Variants in IL1RAPL1 observed in about 807,000 individuals in gnomAD.
IL1RAPL1 encodes the protein interleukin-1 receptor accessory protein-like 1.
In IL1RAPL1, 3 loss-of-function variants were observed where a neutral mutation model predicts 48.4. The observed-to-expected ratio is 0.06, with a 90% CI of 0.03 to 0.16. The LOEUF is 0.16. Ranked by LOEUF, IL1RAPL1 falls within the 10% of genes least tolerant of loss-of-function variation. The pLI is 1.00. For missense variants in IL1RAPL1, 349 were observed against 530.6 expected (o/e 0.66, Z 3.36); for synonymous variants, 185 against 187.7 (o/e 0.99, Z 0.12).
At chrX:29,558,498 ACT>A (rs964383969) in intron 5 of IL1RAPL1, among the ~76,000 whole-genome samples, 2 of 111,277 alleles carry the variant, frequency 1.8e-5, no homozygotes, top group African/African-American at 6.5e-5. Flanking sequence ...TAGTCTCTTC[ACT>A]CTGCTAATTG....
intron 2 of IL1RAPL1, among the ~76,000 whole-genome samples, chrX:29,244,601 A>G (rs1195788450): frequency 1.8e-5 from 2 of 112,449 alleles, no homozygotes; most frequent in Non-Finnish European, 3.7e-5. Flanking sequence ...GCAAATAAAC[A>G]TATTTGCAAA....
intron 3 of IL1RAPL1, among the ~76,000 whole-genome samples, chrX:29,331,155 C>G (rs1025141975): frequency 6.3e-5 from 7 of 111,146 alleles, no homozygotes; most frequent in African/African-American, 2.3e-4. Context: ...TGTGACAGAG[C>G]GAAACTCCGT....
chrX:29,702,195 A>C (rs1410502845), intron 6 of IL1RAPL1, among the ~76,000 whole-genome samples: 1 of 107,791 alleles, frequency 9.3e-6, no homozygotes. Context: ...CGGAGGTTGC[A>C]GTGAGCCGAG....
chrX:28,749,567 A>G (rs1210110810), intron 1 of IL1RAPL1, among the ~76,000 whole-genome samples: 1 of 111,616 alleles, frequency 9.0e-6, no homozygotes. Context: ...TCTTCTTTTG[A>G]AAAATGTCTA....
chrX:29,195,755 T>A (rs1930431706), intron 2 of IL1RAPL1, among the ~76,000 whole-genome samples: 1 of 109,832 alleles, frequency 9.1e-6, no homozygotes, highest in African/African-American at 3.3e-5. Flanking sequence ...GAGACGGGGT[T>A]TTGCCATGTT....
intron 2 of IL1RAPL1, among the ~76,000 whole-genome samples, chrX:29,157,176 A>G (rs1474807193): frequency 9.0e-6 from 1 of 111,589 alleles, no homozygotes; most frequent in African/African-American, 3.3e-5. Context: ...TTACTAAATG[A>G]GAGAAAATGA....
chrX:29,703,821 A>G (rs1449932127), intron 6 of IL1RAPL1, among the ~76,000 whole-genome samples: 1 of 112,333 alleles, frequency 8.9e-6, no homozygotes, highest in Non-Finnish European at 1.9e-5. Context: ...CTTGAGGGTC[A>G]TAAATATCAG....
chrX:28,781,585 A>G (rs1355625575), intron 1 of IL1RAPL1, among the ~76,000 whole-genome samples: 1 of 110,640 alleles, frequency 9.0e-6, no homozygotes, highest in African/African-American at 3.3e-5. Context: ...CACACCTACA[A>G]AATCCTTCTA....
chrX:29,806,664 A>G (rs1930263037), intron 6 of IL1RAPL1, among the ~76,000 whole-genome samples: 1 of 111,535 alleles, frequency 9.0e-6, no homozygotes, highest in Non-Finnish European at 1.9e-5. Context: ...TCATATAAAA[A>G]GACTAGTATT....
intron 5 of IL1RAPL1, among the ~76,000 whole-genome samples, chrX:29,635,053 A>G (rs1295266001): frequency 9.0e-6 from 1 of 111,639 alleles, no homozygotes; most frequent in African/African-American, 3.3e-5. Flanking sequence ...ATAAATTATC[A>G]AAGAGATGAC....
intron 2 of IL1RAPL1, among the ~76,000 whole-genome samples, chrX:29,074,702 C>T (rs1376110377): frequency 8.9e-6 from 1 of 112,004 alleles, no homozygotes; most frequent in Admixed American, 9.5e-5. Context: ...TAGACTGTGA[C>T]ATTTTATTTA....
intron 6 of IL1RAPL1, among the ~76,000 whole-genome samples, chrX:29,862,244 A>C (rs1437227281): frequency 1.8e-5 from 2 of 110,810 alleles, no homozygotes; most frequent in Admixed American, 9.7e-5. Flanking sequence ...CATGTGGGTG[A>C]ATAATTTCAA....
At chrX:28,740,761 G>C (rs1222497238) in intron 1 of IL1RAPL1, among the ~76,000 whole-genome samples, 1 of 111,590 alleles carries the variant, frequency 9.0e-6, no homozygotes, top group Non-Finnish European at 1.9e-5. Context: ...GTTTACTGTT[G>C]CTGTGTTAAT....
chrX:28,712,699 T>G (rs1935455137), intron 1 of IL1RAPL1, among the ~76,000 whole-genome samples: 1 of 111,316 alleles, frequency 9.0e-6, no homozygotes, highest in African/African-American at 3.3e-5. Context: ...ATTCTGACCC[T>G]TGGCTCTATT....
chrX:29,836,573 A>G (rs951276060), intron 6 of IL1RAPL1, among the ~76,000 whole-genome samples: 7 of 112,075 alleles, frequency 6.2e-5, no homozygotes, highest in African/African-American at 2.3e-4. Flanking sequence ...TTGGGAGCAT[A>G]TGGTTTGATT....
intron 6 of IL1RAPL1, among the ~76,000 whole-genome samples, chrX:29,730,728 G>A (rs1206844673): frequency 3.6e-5 from 4 of 112,025 alleles, no homozygotes; most frequent in African/African-American, 1.3e-4. Context: ...CTTGCCAGTG[G>A]TAGAATTGTT....
intron 2 of IL1RAPL1, among the ~76,000 whole-genome samples, chrX:29,191,451 T>C (rs1930350711): frequency 9.0e-6 from 1 of 111,710 alleles, no homozygotes; most frequent in Non-Finnish European, 1.9e-5. Flanking sequence ...AACTCTGTAC[T>C]TATTTTAAAG....
chrX:29,934,825 G>T (rs1237612182), intron 8 of IL1RAPL1, among the ~76,000 whole-genome samples: 1 of 111,583 alleles, frequency 9.0e-6, no homozygotes, highest in Non-Finnish European at 1.9e-5. Context: ...TCAAATTCAG[G>T]AAAATTCAAA....
chrX:29,770,939 T>C (rs1929051378), intron 6 of IL1RAPL1, among the ~76,000 whole-genome samples: 1 of 112,219 alleles, frequency 8.9e-6, no homozygotes, highest in Non-Finnish European at 1.9e-5. Flanking sequence ...GGAATCAGTA[T>C]TGAGTGCCCT....
Sources: allele counts gnomAD v4.1 joint callset (sites outside exome capture counted in the v4.1 genomes callset), GRCh38; gene constraint gnomAD v4.1.1; transcripts MANE v1.5; gene names NCBI Gene and HGNC (gene_info 2026-07-23, HGNC 2026-07-21).